Variants in ZNF195 observed in about 807,000 individuals in gnomAD.
ZNF195 encodes zinc finger protein 195.
Under a neutral mutation model 19.5 loss-of-function variants are expected in ZNF195, and 11 were observed. The observed-to-expected ratio is 0.57, with a 90% CI of 0.36 to 0.94. The LOEUF (loss-of-function observed/expected upper bound fraction) is 0.94. Among genes scored for constraint, ZNF195 ranks in the 40% least tolerant of loss-of-function variants. The pLI, the probability that ZNF195 is intolerant of heterozygous loss-of-function variation, is 0.01. For missense variants in ZNF195, 582 were observed against 709.0 expected (o/e 0.82, Z 2.03); for synonymous variants, 214 against 248.1 (o/e 0.86, Z 1.29).
chr11:3,374,381 T>G (rs1849356110), intron 1 of ZNF195, among the ~76,000 whole-genome samples: 1 of 152,222 alleles, frequency 6.6e-6, no homozygotes, highest in South Asian at 2.1e-4. Flanking sequence ...CCCAACCCTC[T>G]GACCACAACA....
intron 1 of ZNF195, among the ~76,000 whole-genome samples, chr11:3,376,905 A>G (rs1849493822): frequency 6.6e-6 from 1 of 152,242 alleles, no homozygotes; most frequent in African/African-American, 2.4e-5. Context: ...CAAGTAATCT[A>G]CCATAATTTT....
chr11:3,374,794 T>C (rs528241069), intron 1 of ZNF195, among the ~76,000 whole-genome samples: 1 of 152,388 alleles, frequency 6.6e-6, no homozygotes, highest in Non-Finnish European at 1.5e-5. Context: ...TGAAGTGTAG[T>C]GCAAAGGCAC....
At chr11:3,365,601 T>C (rs1848839805) in intron 3 of ZNF195, among the ~76,000 whole-genome samples, 1 of 152,246 alleles carries the variant, frequency 6.6e-6, no homozygotes, top group African/African-American at 2.4e-5. Flanking sequence ...CTCTATCAAA[T>C]TCCCAAAGCT....
At chr11:3,374,742 A>C (rs551206953) in intron 1 of ZNF195, among the ~76,000 whole-genome samples, 2 of 152,214 alleles carry the variant, frequency 1.3e-5, no homozygotes, top group Admixed American at 1.3e-4. Context: ...AAGTGTAGTG[A>C]TAAAAGCTCC....
chr11:3,371,213 A>G (rs2133716819), intron 2 of ZNF195, 143 bp from the exon 3 acceptor site: 1 of 769,804 alleles, frequency 1.3e-6, no homozygotes, highest in East Asian at 2.8e-5. Flanking sequence ...CCTTTAGAAT[A>G]TTCAGTAAGT....
chr11:3,378,693 C>T (rs1849593745), intron 1 of ZNF195, among the ~76,000 whole-genome samples: 1 of 152,230 alleles, frequency 6.6e-6, no homozygotes, highest in Non-Finnish European at 1.5e-5. Context: ...CACATTTTTG[C>T]AAGGACTCCC....
intron 3 of ZNF195, among the ~76,000 whole-genome samples, chr11:3,366,011 A>G (rs2133691295): frequency 6.6e-6 from 1 of 152,284 alleles, no homozygotes; most frequent in East Asian, 1.9e-4. Context: ...TAATCCCAGC[A>G]CTTTGGGAGG....
Position 3,358,883 on chromosome 11 carries a change from T to A in ZNF195, c.*235A>T. On this transcript the variant is annotated 3_prime_UTR_variant, in exon 6 of 6. Coordinates refer to ENST00000399602, the MANE Select transcript of ZNF195 (RefSeq NM_001130520.3). The stretch of plus-strand genomic sequence containing the variant: ...CCACATTTATGAGATTTGTTGGGTT[T>A]CTCTACAAATTTTCTGAAAGTTTAA... 1 of 422,030 alleles carries A rather than the reference T, an allele frequency of 2.4e-6. No individual in the cohort carries two copies. The highest frequency in any genetic ancestry group is 3.9e-5 in the East Asian group (1 of 25,502). 26.1% of individuals were successfully genotyped at this position (422,030 alleles called of 1,614,324 possible).
chr11:3,371,146 G>T, intron 2 of ZNF195, 76 bp from the exon 3 acceptor site: 1 of 1,343,600 alleles, frequency 7.4e-7, no homozygotes, highest in South Asian at 1.3e-5. Context: ...GCTTAGTAGA[G>T]TGAACATTAT....
At chr11:3,363,339 C>G (rs1043992535) in intron 3 of ZNF195, 2 of 152,110 alleles carry the variant, frequency 1.3e-5, no homozygotes, top group African/African-American at 2.4e-5. Context: ...CACAACACAG[C>G]AGGAGACACA....
chr11:3,360,823 C>G, intron 4 of ZNF195, 35 bp from the exon 5 acceptor site: 2 of 1,545,168 alleles, frequency 1.3e-6, no homozygotes, highest in Admixed American at 2.0e-5. Flanking sequence ...CAGTCTGTTA[C>G]GTTTACCCAC....
intron 3 of ZNF195, 34 bp from the exon 4 acceptor site, chr11:3,361,923 C>T (rs1848655527): frequency 4.8e-6 from 2 of 413,290 alleles, no homozygotes; most frequent in Non-Finnish European, 9.7e-6. Context: ...GCTGTGTATG[C>T]TGTTGCACAC....
intron 3 of ZNF195, among the ~76,000 whole-genome samples, chr11:3,362,288 A>C (rs1848671939): frequency 6.6e-6 from 1 of 152,214 alleles, no homozygotes; most frequent in Admixed American, 6.5e-5. Context: ...ATATATAATC[A>C]TATCAAAATA....
intron 1 of ZNF195, chr11:3,377,690 C>A (rs893800729): frequency 1.0e-5 from 12 of 1,189,276 alleles, no homozygotes; most frequent in African/African-American, 1.6e-5. Flanking sequence ...AGAGGCCACA[C>A]TTCATACCTC....
intron 3 of ZNF195, chr11:3,362,117 C>A (rs1484359610): frequency 5.8e-6 from 2 of 346,226 alleles, no homozygotes; most frequent in South Asian, 4.3e-5. Flanking sequence ...AATTGCTGAA[C>A]ACAAAACTTC....
intron 3 of ZNF195, chr11:3,362,743 C>A: frequency 2.9e-6 from 1 of 344,120 alleles, no homozygotes; most frequent in Non-Finnish European, 5.3e-6. Context: ...CTTTTCATTT[C>A]AGTAAATTGC....
At chr11:3,371,923 G>A (rs1031319175) in intron 1 of ZNF195, among the ~76,000 whole-genome samples, 2 of 152,148 alleles carry the variant, frequency 1.3e-5, no homozygotes, top group Non-Finnish European at 2.9e-5. Context: ...AACATTAAGG[G>A]CATCAACAAA....
At position 3,361,848 on chromosome 11, in the gene ZNF195, G is replaced by A. The variant is rs1848648606; in HGVS notation, c.268C>T (p.Leu90=). ...GAGGCAGGCAGATCGCTTGAGCCCA[G>A]GAGTTCAAGACAAGCCTGAGTAGCA... The part of the protein sequence containing the change: ...HHATQACLEL[L]GSSDLPASAS... Residue 90 remains leucine (L), a synonymous_variant, in exon 4 of 6, where the codon CTG becomes TTG. Transcript: ENST00000399602. 1.7e-6 allele frequency: 1 copy of A among 571,624 alleles called. No homozygotes were observed. The highest frequency in any genetic ancestry group is 1.9e-5 in the African/African-American group (1 of 51,742). The allele number at this position is 571,624 out of a possible 1,614,324, so 35.4% of individuals were successfully genotyped here.
At chr11:3,363,068 T>C (rs549905261) in intron 3 of ZNF195, among the ~76,000 whole-genome samples, 131 of 152,338 alleles carry the variant, frequency 8.6e-4, no homozygotes, top group Non-Finnish European at 1.2e-3. Context: ...TGGGAACCTA[T>C]GACAAGCGTG....
Sources: gnomAD v4.1 joint callset for allele counts (sites outside exome capture counted in the v4.1 genomes callset) on GRCh38, gnomAD v4.1.1 for gene constraint, MANE v1.5 for transcripts, NCBI Gene and HGNC (gene_info 2026-07-23, HGNC 2026-07-21) for gene names.